TEX101: variants seen among roughly 807,000 people sequenced by gnomAD.
TEX101 encodes testis-expressed protein 101.
TEX101 carries 10 observed loss-of-function variants against 18.1 expected under a neutral mutation model. The observed-to-expected ratio is 0.55, with a 90% CI of 0.34 to 0.94. The LOEUF (loss-of-function observed/expected upper bound fraction) is 0.94, where lower values mean the gene tolerates loss of function less well. Among genes scored for constraint, TEX101 ranks in the 40% least tolerant of loss-of-function variants. TEX101 has a pLI of 0.02. For synonymous variants in TEX101, 94 were observed against 114.8 expected (o/e 0.82, Z 1.16); for missense variants, 259 against 298.9 (o/e 0.87, Z 0.98).
chr19:43,400,050 G>A (rs1318538927), upstream of TEX101, among the ~76,000 whole-genome samples: 1 of 151,994 alleles, frequency 6.6e-6, no homozygotes, highest in African/African-American at 2.4e-5. Context: ...CCTGACCTCA[G>A]GTGATCTACC....
intron 3 of TEX101, among the ~76,000 whole-genome samples, chr19:43,407,469 G>A (rs1171968030): frequency 2.7e-5 from 4 of 145,960 alleles, no homozygotes; most frequent in Non-Finnish European, 4.5e-5. Context: ...TGGGCAACAA[G>A]AGCGAAACTT....
intron 5 of TEX101, 23 bp from the exon 6 acceptor site, chr19:43,418,145 C>T (rs1159426665): frequency 6.2e-7 from 1 of 1,613,618 alleles, no homozygotes; most frequent in East Asian, 2.2e-5. Context: ...CTCTGTCTCT[C>T]CCGATCCTTC....
upstream of TEX101, among the ~76,000 whole-genome samples, chr19:43,410,987 C>T (rs1281865747): frequency 6.6e-6 from 1 of 152,196 alleles, no homozygotes; most frequent in African/African-American, 2.4e-5. Flanking sequence ...AGCGATCCTC[C>T]CACCTCAGCC....
chr19:43,395,827 T>C, the TEX101 span, among the ~76,000 whole-genome samples: 1 of 152,220 alleles, frequency 6.6e-6, no homozygotes, highest in African/African-American at 2.4e-5. Context: ...GTCCAGGTGT[T>C]GCTCATCTGC....
At chr19:43,402,352 G>A (rs1469503853) in intron 1 of TEX101, among the ~76,000 whole-genome samples, 1 of 152,166 alleles carries the variant, frequency 6.6e-6, no homozygotes, top group East Asian at 1.9e-4. Flanking sequence ...GATTAAGCAG[G>A]CAGGTCTAGA....
At chr19:43,417,318 C>CA (rs200903495) in intron 4 of TEX101, among the ~76,000 whole-genome samples, 5,837 of 151,736 alleles carry the variant, frequency 0.038, 136 homozygotes, top group South Asian at 0.058. Context: ...AAAACAAAAA[C>CA]AAAAAAAACA....
At chr19:43,416,985 A>G (rs1198891607) in intron 4 of TEX101, among the ~76,000 whole-genome samples, 3 of 150,970 alleles carry the variant, frequency 2.0e-5, no homozygotes, top group East Asian at 3.9e-4. Context: ...GTGAGCCAAT[A>G]TCACACCACT....
chr19:43,393,103 G>GGAAGGAAA, the TEX101 span, among the ~76,000 whole-genome samples: 183 of 144,374 alleles, frequency 1.3e-3, 2 homozygotes, highest in Admixed American at 4.7e-3. Flanking sequence ...AAGGAAGGAA[G>GGAAGGAAA]GAAAGAAAGA....
upstream of TEX101, among the ~76,000 whole-genome samples, chr19:43,412,780 T>TA (rs1970429981): frequency 6.6e-6 from 1 of 152,190 alleles, no homozygotes; most frequent in African/African-American, 2.4e-5. Flanking sequence ...TTTTCTCTAT[T>TA]AAAAATAAAT....
At chr19:43,404,576 C>T (rs1434228380) in intron 2 of TEX101, among the ~76,000 whole-genome samples, 1 of 152,066 alleles carries the variant, frequency 6.6e-6, no homozygotes, top group Non-Finnish European at 1.5e-5. Flanking sequence ...TTATATATTT[C>T]ACCAAGATTC....
upstream of TEX101, among the ~76,000 whole-genome samples, chr19:43,399,789 G>T (rs1161921911): frequency 6.7e-6 from 1 of 149,908 alleles, no homozygotes; most frequent in Non-Finnish European, 1.5e-5. Context: ...CTCCAAGTTG[G>T]CTCCTATGTC....
intron 4 of TEX101, among the ~76,000 whole-genome samples, chr19:43,417,261 T>C (rs1443543499): frequency 1.3e-5 from 2 of 152,130 alleles, no homozygotes; most frequent in South Asian, 2.1e-4. Flanking sequence ...TGCTTAACAA[T>C]GTAGATGGCA....
At chr19:43,389,509 C>G in the TEX101 span, among the ~76,000 whole-genome samples, 1 of 152,184 alleles carries the variant, frequency 6.6e-6, no homozygotes, top group African/African-American at 2.4e-5. Flanking sequence ...AGATCTTGAC[C>G]GGAGCTGTCC....
At chr19:43,416,291 C>G (rs3810375) in intron 3 of TEX101, 49 bp downstream of exon 3, 1,032,750 of 1,586,042 alleles carry the variant, frequency 0.65, 337,789 homozygotes, top group East Asian at 0.77. Context: ...GGTTGATTAT[C>G]TCCATGCCAA....
Position 43,414,898 on chromosome 19 carries a change from GC to G in TEX101, c.-178del. On this transcript the variant is annotated 5_prime_UTR_variant, in exon 1 of 6. It introduces an in-frame stop codon into an upstream open reading frame of the 5' UTR. Transcript: ENST00000598265. ...GCCCGGCCTTGCGTCGTAAGAGAAT[GC>G]CAAGCCCGGGGAGAAGGCGTTCCGG... 3.0e-6 allele frequency: 3 copies of G among 985,520 alleles called. No individual in the cohort carries two copies. The highest frequency in any genetic ancestry group is 3.6e-6 in the Non-Finnish European group (3 of 829,974). The allele number at this position is 985,520 out of a possible 1,614,324, so 61.0% of individuals were successfully genotyped here.
intron 1 of TEX101, 80 bp downstream of exon 1, chr19:43,415,118 AGG>A: frequency 1.1e-6 from 1 of 942,168 alleles, no homozygotes; most frequent in South Asian, 4.9e-5. Context: ...CCTGAGAGGG[AGG>A]GGACCAGAAT....
intron 3 of TEX101, among the ~76,000 whole-genome samples, chr19:43,407,781 G>A (rs1199661711): frequency 6.6e-6 from 1 of 152,246 alleles, no homozygotes; most frequent in Non-Finnish European, 1.5e-5. Context: ...GCCGGTCGTC[G>A]CCAACAGGAC....
At chr19:43,391,202 G>A in the TEX101 span, among the ~76,000 whole-genome samples, 2 of 152,136 alleles carry the variant, frequency 1.3e-5, no homozygotes, top group African/African-American at 2.4e-5. Context: ...ATGCTGCTAT[G>A]AACAAAGACA....
chr19:43,409,144 G>T (rs546648809), intron 3 of TEX101, among the ~76,000 whole-genome samples: 14 of 152,182 alleles, frequency 9.2e-5, no homozygotes, highest in African/African-American at 3.4e-4. Flanking sequence ...AAACTTCAGG[G>T]TGTTCCGTCC....
Sources: gnomAD v4.1 joint callset for allele counts (sites outside exome capture counted in the v4.1 genomes callset) on GRCh38, gnomAD v4.1.1 for gene constraint, MANE v1.5 for transcripts, NCBI Gene and HGNC (gene_info 2026-07-23, HGNC 2026-07-21) for gene names.